AUTS2: variants seen among roughly 807,000 people sequenced by gnomAD.
AUTS2 encodes activator of transcription and developmental regulator AUTS2, also known as autism susceptibility gene 2 protein.
AUTS2 carries 17 observed loss-of-function variants against 112.4 expected under a neutral mutation model. The ratio of observed to expected loss-of-function variants is 0.15; its 90% confidence interval spans 0.10 to 0.23. The LOEUF is 0.23. Ranked by LOEUF, AUTS2 falls within the 10% of genes least tolerant of loss-of-function variation. The pLI, the probability that AUTS2 is intolerant of heterozygous loss-of-function variation, is 1.00. For missense variants in AUTS2, 1,510 were observed against 1,701.6 expected (o/e 0.89, Z 1.98); for synonymous variants, 751 against 702.7 (o/e 1.07, Z -1.09).
chr7:70,242,519 T>A (rs1337089761), intron 4 of AUTS2, among the ~76,000 whole-genome samples: 1 of 152,226 alleles, frequency 6.6e-6, no homozygotes, highest in African/African-American at 2.4e-5. Context: ...TAAATATGAA[T>A]ACTCTTTGTG....
chr7:69,615,410 C>T (rs1793318678), intron 1 of AUTS2, among the ~76,000 whole-genome samples: 1 of 152,144 alleles, frequency 6.6e-6, no homozygotes, highest in Non-Finnish European at 1.5e-5. Context: ...TTAAGCGATT[C>T]TCCTGCCTCA....
chr7:70,005,731 C>A (rs564211063), intron 2 of AUTS2, among the ~76,000 whole-genome samples: 9 of 152,042 alleles, frequency 5.9e-5, no homozygotes, highest in Non-Finnish European at 1.0e-4. Context: ...TCAACAAGGG[C>A]AAGGAAGTGG....
At chr7:70,171,282 G>C (rs1192541659) in intron 4 of AUTS2, among the ~76,000 whole-genome samples, 1 of 152,148 alleles carries the variant, frequency 6.6e-6, no homozygotes, top group Non-Finnish European at 1.5e-5. Flanking sequence ...ACAAGGAAGG[G>C]GTCACAGTGG....
At chr7:69,957,300 A>G (rs1797253855) in intron 2 of AUTS2, among the ~76,000 whole-genome samples, 1 of 151,842 alleles carries the variant, frequency 6.6e-6, no homozygotes, top group African/African-American at 2.4e-5. Flanking sequence ...TATCAACCGC[A>G]TCGCTGGGTA....
At chr7:70,704,324 C>G (rs1809622150) in intron 6 of AUTS2, among the ~76,000 whole-genome samples, 2 of 152,174 alleles carry the variant, frequency 1.3e-5, no homozygotes. Context: ...TTGACAGCTG[C>G]CACTTTTCCA....
At chr7:70,655,359 A>G (rs1303167746) in intron 5 of AUTS2, among the ~76,000 whole-genome samples, 1 of 152,216 alleles carries the variant, frequency 6.6e-6, no homozygotes, top group African/African-American at 2.4e-5. Flanking sequence ...TTTCTCTCCC[A>G]TTACAAGAAG....
At chr7:70,315,833 C>G (rs1013359842) in intron 4 of AUTS2, among the ~76,000 whole-genome samples, 1 of 152,182 alleles carries the variant, frequency 6.6e-6, no homozygotes, top group Non-Finnish European at 1.5e-5. Flanking sequence ...TAAGGCTTCT[C>G]CTACCTCCAG....
At chr7:70,627,489 G>A (rs1015462802) in intron 5 of AUTS2, among the ~76,000 whole-genome samples, 1 of 152,200 alleles carries the variant, frequency 6.6e-6, no homozygotes, top group Non-Finnish European at 1.5e-5. Context: ...GTGGAGCTCA[G>A]ATGTTTTTAA....
Position 70,764,291 on chromosome 7 carries a change from G to A in AUTS2, c.1215-461G>A, listed in dbSNP as rs574434466. Among the ~76,000 whole-genome samples the A allele has an allele frequency of 9.2e-5, 14 of 152,260 alleles. No individual in the cohort carries two copies. The East Asian group carries it at 2.7e-3, about 30-fold the overall frequency. On this transcript the variant is annotated intron_variant, in intron 7 of 18. Coordinates refer to ENST00000342771, the MANE Select transcript of AUTS2 (RefSeq NM_015570.4). Reference sequence around the variant, plus strand: ...AGTGATGTGAGAACCCAGGCACCTGGGTTTCACCTCTTCTTTGTGTGTCTT... The same window carrying A: ...AGTGATGTGAGAACCCAGGCACCTGAGTTTCACCTCTTCTTTGTGTGTCTT...
chr7:70,364,566 A>AAAATAAAT (rs200011798), intron 4 of AUTS2, among the ~76,000 whole-genome samples: 3,716 of 138,042 alleles, frequency 0.027, 60 homozygotes, highest in East Asian at 0.06. Context: ...CTCTGTCTCA[A>AAAATAAAT]AAATAAATAA....
chr7:70,040,794 T>TGGCGCC (rs1801213509), intron 2 of AUTS2, among the ~76,000 whole-genome samples: 1 of 152,222 alleles, frequency 6.6e-6, no homozygotes, highest in African/African-American at 2.4e-5. Context: ...CTGAAGCCAC[T>TGGCGCC]GCAGGTTACC....
intron 4 of AUTS2, among the ~76,000 whole-genome samples, chr7:70,417,429 G>A (rs2130598440): frequency 6.6e-6 from 1 of 152,324 alleles, no homozygotes; most frequent in South Asian, 2.1e-4. Flanking sequence ...CAGAAGCACA[G>A]CGAGGCAATT....
intron 5 of AUTS2, among the ~76,000 whole-genome samples, chr7:70,474,030 G>A (rs180698898): frequency 2.9e-4 from 44 of 152,196 alleles, no homozygotes; most frequent in Non-Finnish European, 5.9e-4. Flanking sequence ...TCTTTTGCCC[G>A]TAGACTCACC....
intron 2 of AUTS2, among the ~76,000 whole-genome samples, chr7:70,021,337 C>T (rs752803264): frequency 1.3e-5 from 2 of 152,152 alleles, no homozygotes; most frequent in Non-Finnish European, 2.9e-5. Context: ...TTTTAATTAT[C>T]TGGATTTTAA....
intron 4 of AUTS2, among the ~76,000 whole-genome samples, chr7:70,183,942 A>G (rs994702802): frequency 2.0e-5 from 3 of 151,924 alleles, no homozygotes; most frequent in Non-Finnish European, 4.4e-5. Flanking sequence ...AAAGAATTGA[A>G]TGTAAAGAAG....
At chr7:69,769,591 C>T (rs188198011) in intron 1 of AUTS2, among the ~76,000 whole-genome samples, 1 of 152,306 alleles carries the variant, frequency 6.6e-6, no homozygotes, top group East Asian at 1.9e-4. Flanking sequence ...GATATGTTTG[C>T]ATTTATATCT....
At chr7:70,268,987 A>G (rs1337094596) in intron 4 of AUTS2, among the ~76,000 whole-genome samples, 1 of 152,202 alleles carries the variant, frequency 6.6e-6, no homozygotes, top group Non-Finnish European at 1.5e-5. Flanking sequence ...AAAATGTTAG[A>G]ATGAAAACCT....
At chr7:70,614,351 A>G (rs1305342917) in intron 5 of AUTS2, among the ~76,000 whole-genome samples, 1 of 152,206 alleles carries the variant, frequency 6.6e-6, no homozygotes, top group Non-Finnish European at 1.5e-5. Context: ...CTCCATGACA[A>G]CGCCTTGGAT....
Position 70,790,939 on chromosome 7 carries a change from C to T in AUTS2, c.3723C>T (p.Ser1241=), listed in dbSNP as rs146275033. 102 of 1,539,422 alleles carry T rather than the reference C, an allele frequency of 6.6e-5. No individual in the cohort carries two copies. Among genetic ancestry groups the T allele is most frequent in the Non-Finnish European group, 3.2e-5 (37 of 1,144,622 alleles). ...PVSPRRTTPL[S]AEIRERPPSH... ...CTCCCAGAAGGACGACTCCTCTGTC[C>T]GCAGAGATAAGGGAGAGGCCCCCTT... is the stretch of plus-strand genomic sequence containing the variant. Residue 1241 remains serine (S), a synonymous_variant, in exon 19 of 19, where the codon TCC becomes TCT. Transcript: ENST00000342771. This position sits in a 1 kb window ranked among gnomAD's most constrained non-coding sequence, Gnocchi z 7.6.
Sources: gnomAD v4.1 joint callset for allele counts (sites outside exome capture counted in the v4.1 genomes callset) on GRCh38, gnomAD v4.1.1 for gene constraint, Gnocchi (gnomAD v3.1) non-coding constraint, MANE v1.5 for transcripts, NCBI Gene and HGNC (gene_info 2026-07-23, HGNC 2026-07-21) for gene names.